The following PITPNM2 variants were observed in gnomAD, a reference collection of about 807,000 sequenced individuals.
PITPNM2 encodes phosphatidylinositol transfer protein membrane associated 2.
In PITPNM2, 35 loss-of-function variants were observed where a neutral mutation model predicts 132.2. The ratio of observed to expected loss-of-function variants is 0.26; its 90% confidence interval spans 0.20 to 0.35. The LOEUF (loss-of-function observed/expected upper bound fraction) is 0.35. PITPNM2 is among the 10% of genes least tolerant of loss of function. PITPNM2 has a pLI of 1.00. For synonymous variants in PITPNM2, 738 were observed against 799.2 expected (o/e 0.92, Z 1.29); for missense variants, 1,332 against 1,912.0 (o/e 0.70, Z 5.66).
At chr12:123,017,474 A>G (rs2039473399) in intron 3 of PITPNM2, among the ~76,000 whole-genome samples, 1 of 152,250 alleles carries the variant, frequency 6.6e-6, no homozygotes. Flanking sequence ...AACTGAAAAC[A>G]GAGACTTGAA....
intron 3 of PITPNM2, among the ~76,000 whole-genome samples, chr12:123,026,321 T>C (rs1367108649): frequency 6.6e-6 from 1 of 152,188 alleles, no homozygotes; most frequent in Non-Finnish European, 1.5e-5. Context: ...AACTAAGGTA[T>C]GCTTGGAGCC....
chr12:122,997,919 C>A (rs2038499714), intron 10 of PITPNM2, among the ~76,000 whole-genome samples: 1 of 152,176 alleles, frequency 6.6e-6, no homozygotes, highest in Admixed American at 6.5e-5. Flanking sequence ...TTCAGGGAGC[C>A]CGGGCAGTGG....
chr12:122,990,693 G>A lies in PITPNM2; in HGVS notation c.2421C>T (p.Thr807=). ...CSTLLADVLQ[T]HNAAFQEHGA... ...CATGCTCTTGGAAGGCTGCATTGTG[G>A]GTCTGGAGCACATCCGCTGCAGGTG... Residue 807 remains threonine, a synonymous_variant, in exon 17 of 26, where the codon ACC becomes ACT. Coordinates refer to ENST00000320201, the MANE Select transcript of PITPNM2 (RefSeq NM_020845.3). 3.1e-6 allele frequency: 5 copies of A among 1,609,276 alleles called. No homozygotes were observed. Among genetic ancestry groups the A allele is most frequent in the Non-Finnish European group, 4.2e-6 (5 of 1,178,442 alleles).
intron 8 of PITPNM2, 39 bp from the exon 9 acceptor site, chr12:123,001,197 C>G: frequency 1.3e-6 from 2 of 1,553,602 alleles, no homozygotes; most frequent in Non-Finnish European, 1.8e-6. Context: ...GGACTGGGAA[C>G]GCTGGGGAAG....
In PITPNM2 at chr12:123,034,701, G is replaced by GACAGA. The variant is rs1444882681; in HGVS notation, c.-95-21_-95-17dup. ...CCAAGGACCCCTGGGAGACAGAGAG[G>GACAGA]ACAGAACAGAACAGTCACTTTCTGC... On this transcript the variant is annotated splice_polypyrimidine_tract_variant and intron_variant, in intron 2 of 25. Coordinates refer to ENST00000320201, the MANE Select transcript of PITPNM2 (RefSeq NM_020845.3). 10 of 888,104 alleles carry GACAGA rather than the reference G, an allele frequency of 1.1e-5. No individual in the cohort carries two copies. The highest frequency in any genetic ancestry group is 9.4e-5 in the Admixed American group (5 of 53,260). 55.0% of individuals were successfully genotyped at this position (888,104 alleles called of 1,614,324 possible).
chr12:123,118,503 T>A (rs1485319521), intron 1 of PITPNM2, among the ~76,000 whole-genome samples: 1 of 152,238 alleles, frequency 6.6e-6, no homozygotes, highest in East Asian at 1.9e-4. Context: ...TGCTTCCTGG[T>A]AGGCAAAGCA....
At chr12:123,001,495 C>G (rs1177035133) in intron 8 of PITPNM2, among the ~76,000 whole-genome samples, 2 of 152,246 alleles carry the variant, frequency 1.3e-5, no homozygotes, top group African/African-American at 2.4e-5. Context: ...CCCTGGCCAC[C>G]ACCAATCAAT....
chr12:123,054,328 T>C (rs2040953101), intron 2 of PITPNM2, among the ~76,000 whole-genome samples: 1 of 152,246 alleles, frequency 6.6e-6, no homozygotes, highest in South Asian at 2.1e-4. Context: ...CATGATTTCT[T>C]AGCCCCTAAA....
rs1471985877 is a variant in PITPNM2, at chr12:123,082,588, C to A, written c.-96+27797G>T. ...AATAGCTGGGAATACAGGCGCCCAC[C>A]ACCATGCCCGGCTAATTTTTATATT... is the stretch of plus-strand genomic sequence containing the variant. On this transcript the variant is annotated intron_variant, in intron 2 of 25. Coordinates refer to ENST00000320201, the MANE Select transcript of PITPNM2 (RefSeq NM_020845.3). The surrounding 1 kb of genome is among the most constrained non-coding windows in gnomAD (Gnocchi z 5.4). 6.6e-6 allele frequency among the ~76,000 whole-genome samples: 1 copy of A among 152,184 alleles called. No homozygotes were observed. Among genetic ancestry groups the A allele is most frequent in the Non-Finnish European group, 1.5e-5 (1 of 68,024 alleles).
At position 123,082,228 on chromosome 12, in the gene PITPNM2, T is replaced by C. The variant is rs991595138; in HGVS notation, c.-96+28157A>G. Among the ~76,000 whole-genome samples, 1 of 152,166 alleles carries C rather than the reference T, an allele frequency of 6.6e-6. No homozygotes were observed. The highest frequency in any genetic ancestry group is 6.5e-5 in the Admixed American group (1 of 15,284). On this transcript the variant is annotated intron_variant, in intron 2 of 25. Transcript: ENST00000320201. The surrounding 1 kb of genome is among the most constrained non-coding windows in gnomAD (Gnocchi z 5.4). ...GCCTTGGGGCATCTGTACTTGCCAC[T>C]CTCCCTCCCCTCTGCTCAAGGGCCC...
rs2136971628 is a variant in PITPNM2 at position 123,077,826 on chromosome 12, G to A, written c.-96+32559C>T. 6.6e-6 allele frequency among the ~76,000 whole-genome samples: 1 copy of A among 152,338 alleles called. No individual in the cohort carries two copies. Among genetic ancestry groups the A allele is most frequent in the East Asian group, 1.9e-4 (1 of 5,180 alleles). On this transcript the variant is annotated intron_variant, in intron 2 of 25. Transcript: ENST00000320201. This position sits in a 1 kb window ranked among gnomAD's most constrained non-coding sequence, Gnocchi z 4.8. ...GAAGCCAATGTGAGGGAAGGGGTGGGGGGACAAAGTATCAGAGCCAGGAGG... is the reference window on the plus strand; with the variant it reads ...GAAGCCAATGTGAGGGAAGGGGTGGAGGGACAAAGTATCAGAGCCAGGAGG...
chr12:123,134,813 C>T (rs1454657282), intron 1 of PITPNM2, among the ~76,000 whole-genome samples: 30 of 152,066 alleles, frequency 2.0e-4, no homozygotes, highest in Admixed American at 2.0e-3. Flanking sequence ...ATCTGTTAGC[C>T]ATGGGACCTT....
intron 2 of PITPNM2, among the ~76,000 whole-genome samples, chr12:123,060,401 G>C (rs1302261620): frequency 1.3e-5 from 2 of 152,114 alleles, no homozygotes; most frequent in African/African-American, 4.8e-5. Flanking sequence ...CTACTAAGTT[G>C]ACCTAGCTCC....
chr12:123,048,131 C>G (rs1275586235), intron 2 of PITPNM2, among the ~76,000 whole-genome samples: 1 of 149,428 alleles, frequency 6.7e-6, no homozygotes, highest in East Asian at 2.0e-4. Context: ...ACAGACATCA[C>G]ATGAGTCATC....
Position 123,023,719 on chromosome 12 carries a change from C to T in PITPNM2, c.79-9677G>A, listed in dbSNP as rs2039753874. Among the ~76,000 whole-genome samples the T allele has an allele frequency of 6.6e-6, 1 of 152,154 alleles. No homozygotes were observed. Among genetic ancestry groups the T allele is most frequent in the Admixed American group, 6.6e-5 (1 of 15,262 alleles). ...TAGGCATAAGTCCTATGAACTTGAA[C>T]TGGCAATCGTTTTGGAGCCATGACA... is the stretch of plus-strand genomic sequence containing the variant. On this transcript the variant is annotated intron_variant, in intron 3 of 25. Coordinates refer to ENST00000320201, the MANE Select transcript of PITPNM2 (RefSeq NM_020845.3). This position sits in a 1 kb window ranked among gnomAD's most constrained non-coding sequence, Gnocchi z 4.8.
intron 5 of PITPNM2, among the ~76,000 whole-genome samples, chr12:123,011,501 C>T (rs2039202154): frequency 6.6e-6 from 1 of 152,214 alleles, no homozygotes; most frequent in Non-Finnish European, 1.5e-5. Context: ...GCTATGTACA[C>T]CCCAACCCCA....
rs570181362 is a variant in PITPNM2, at chr12:123,062,530, A to G, written c.-95-27845T>C. ...GGCAGAGGCTATTTACCAGCAAAAA[A>G]AAGTACAGCACTCTTGCTCTTGGGG... On this transcript the variant is annotated intron_variant, in intron 2 of 25. Coordinates refer to ENST00000320201, the MANE Select transcript of PITPNM2 (RefSeq NM_020845.3). Among the ~76,000 whole-genome samples the G allele has an allele frequency of 1.4e-4, 22 of 152,292 alleles. No homozygotes were observed. The South Asian group carries it at 3.7e-3, about 26-fold the overall frequency.
chr12:123,074,158 C>A (rs7964876), intron 2 of PITPNM2, among the ~76,000 whole-genome samples: 1 of 152,200 alleles, frequency 6.6e-6, no homozygotes, highest in Non-Finnish European at 1.5e-5. Flanking sequence ...CTCAACCCTC[C>A]GAGACTCGGT....
At chr12:123,013,157 G>A (rs1435194892) in intron 4 of PITPNM2, among the ~76,000 whole-genome samples, 1 of 152,210 alleles carries the variant, frequency 6.6e-6, no homozygotes, top group Admixed American at 6.5e-5. Context: ...GCTTAGAGGG[G>A]AAAGTACTAC....
Sources: allele counts gnomAD v4.1 joint callset (sites outside exome capture counted in the v4.1 genomes callset), GRCh38; gene constraint gnomAD v4.1.1; non-coding constraint Gnocchi (gnomAD v3.1); transcripts MANE v1.5; gene names NCBI Gene and HGNC (gene_info 2026-07-23, HGNC 2026-07-21).